ZNF487: variants seen among roughly 807,000 people sequenced by gnomAD.
ZNF487 encodes zinc finger protein 487.
Under a neutral mutation model 3.0 loss-of-function variants are expected in ZNF487, and 4 were observed. The observed-to-expected ratio is 1.35, with a 90% CI of 0.66 to 3.08. The LOEUF (loss-of-function observed/expected upper bound fraction) is 3.08. ZNF487 is among the 30% of genes most tolerant of loss of function. ZNF487 has a pLI of 0.01. For missense variants in ZNF487, 146 were observed against 98.7 expected (o/e 1.48, Z -2.03); for synonymous variants, 55 against 34.6 (o/e 1.59, Z -2.06).
At chr10:43,494,765 CA>C in the ZNF487 span, among the ~76,000 whole-genome samples, 571 of 35,766 alleles carry the variant, frequency 0.016, 1 homozygote, top group African/African-American at 0.021. Flanking sequence ...ACTAAAAATA[CA>C]AAAAAAAAAA....
the ZNF487 span, chr10:43,523,396 A>G: frequency 6.6e-6 from 1 of 152,222 alleles, no homozygotes. Context: ...TTCCAATGAG[A>G]AAAATACCTG....
the ZNF487 span, among the ~76,000 whole-genome samples, chr10:43,517,936 C>T: frequency 4.6e-5 from 7 of 152,264 alleles, no homozygotes; most frequent in Middle Eastern, 3.4e-3. Flanking sequence ...AATGTTGCTG[C>T]TTTCCATCCT....
chr10:43,503,048 A>G, the ZNF487 span, among the ~76,000 whole-genome samples: 2 of 134,670 alleles, frequency 1.5e-5, no homozygotes, highest in African/African-American at 2.7e-5. Flanking sequence ...AAAAAAAAAA[A>G]GGTGGCTGTA....
the ZNF487 span, among the ~76,000 whole-genome samples, chr10:43,519,451 C>T: frequency 4.4e-4 from 67 of 151,740 alleles, no homozygotes; most frequent in African/African-American, 1.5e-3. Flanking sequence ...CTCCTCTTAC[C>T]TAACACCTAA....
At chr10:43,520,343 C>A in the ZNF487 span, among the ~76,000 whole-genome samples, 1 of 152,072 alleles carries the variant, frequency 6.6e-6, no homozygotes, top group Non-Finnish European at 1.5e-5. Flanking sequence ...CACAGAAAAC[C>A]AAGGAACTCT....
chr10:43,480,029 TTCTTTCTTTCTTTC>T (rs1564428870), intron 3 of ZNF487, among the ~76,000 whole-genome samples: 1 of 69,462 alleles, frequency 1.4e-5, no homozygotes, highest in East Asian at 4.9e-4. Flanking sequence ...CTTTCTTTCT[TTCTTTCTTTCTTTC>T]TTTTTCTTTC....
At chr10:43,505,484 CGT>C in the ZNF487 span, among the ~76,000 whole-genome samples, 1 of 151,218 alleles carries the variant, frequency 6.6e-6, no homozygotes, top group Non-Finnish European at 1.5e-5. Context: ...GGGGTTTCAC[CGT>C]GTTAGTCAGG....
the ZNF487 span, among the ~76,000 whole-genome samples, chr10:43,518,989 CA>C: frequency 6.6e-6 from 1 of 152,126 alleles, no homozygotes; most frequent in Non-Finnish European, 1.5e-5. Flanking sequence ...TTAAAATTTT[CA>C]CTTCATATTT....
At chr10:43,474,407 T>C (rs907815398) in intron 1 of ZNF487, among the ~76,000 whole-genome samples, 1 of 151,372 alleles carries the variant, frequency 6.6e-6, no homozygotes, top group Non-Finnish European at 1.5e-5. Flanking sequence ...TGAGCTGAGA[T>C]CGTGCCATTG....
intron 1 of ZNF487, among the ~76,000 whole-genome samples, chr10:43,474,154 G>A (rs1337326781): frequency 5.1e-5 from 6 of 117,564 alleles, no homozygotes; most frequent in East Asian, 3.6e-4. Flanking sequence ...GAACAAGACC[G>A]TGTTTCAAAA....
At chr10:43,479,971 T>TTTCC (rs1184173278) in intron 3 of ZNF487, among the ~76,000 whole-genome samples, 1 of 125,122 alleles carries the variant, frequency 8.0e-6, no homozygotes, top group African/African-American at 3.5e-5. Context: ...TCTTTCTTTC[T>TTTCC]TTTCTTTCTT....
chr10:43,490,851 T>G, the ZNF487 span, among the ~76,000 whole-genome samples: 1 of 150,672 alleles, frequency 6.6e-6, no homozygotes, highest in Non-Finnish European at 1.5e-5. Flanking sequence ...ATTTTGTATT[T>G]TTAGTAGAGA....
chr10:43,493,035 A>G, the ZNF487 span, among the ~76,000 whole-genome samples: 1 of 151,812 alleles, frequency 6.6e-6, no homozygotes, highest in Non-Finnish European at 1.5e-5. Context: ...GTTTGAGACC[A>G]GCCTGACCAA....
At chr10:43,491,124 G>A in the ZNF487 span, among the ~76,000 whole-genome samples, 1 of 150,570 alleles carries the variant, frequency 6.6e-6, no homozygotes, top group African/African-American at 2.5e-5. Context: ...GTGCCACTAT[G>A]CCTGGCTAAT....
intron 1 of ZNF487, among the ~76,000 whole-genome samples, chr10:43,450,931 CATTATTATTATTTTTTT>C (rs770382842): frequency 1.5e-4 from 23 of 151,932 alleles, no homozygotes; most frequent in Admixed American, 5.3e-4. Context: ...GAGTTTGCAC[CATTATTATTATTTTTTT>C]ATTATTATTA....
upstream of ZNF487, chr10:43,437,059 A>C (rs1457179363): frequency 3.2e-6 from 1 of 315,380 alleles, no homozygotes; most frequent in South Asian, 2.3e-5. Flanking sequence ...GGAGCGCTGG[A>C]CTGGCGGGCG....
At chr10:43,495,211 T>C in the ZNF487 span, among the ~76,000 whole-genome samples, 1 of 151,592 alleles carries the variant, frequency 6.6e-6, no homozygotes, top group Non-Finnish European at 1.5e-5. Context: ...GGCTTTTTTT[T>C]TTTTTTTTGC....
intron 1 of ZNF487, among the ~76,000 whole-genome samples, chr10:43,457,301 T>G (rs1280006516): frequency 6.6e-6 from 1 of 151,642 alleles, no homozygotes; most frequent in African/African-American, 2.4e-5. Context: ...CTAACGCCTG[T>G]AATCCCGTCA....
chr10:43,437,438 C>T (rs1839429044), intron 1 of ZNF487, among the ~76,000 whole-genome samples, 176 bp downstream of exon 1: 1 of 152,064 alleles, frequency 6.6e-6, no homozygotes, highest in Admixed American at 6.6e-5. Context: ...AGCGGCCAGC[C>T]CACCCTAGAG....
Sources: gnomAD v4.1 joint callset for allele counts (sites outside exome capture counted in the v4.1 genomes callset) on GRCh38, gnomAD v4.1.1 for gene constraint, MANE v1.5 for transcripts, NCBI Gene and HGNC (gene_info 2026-07-23, HGNC 2026-07-21) for gene names.